ACTN3: variants seen among roughly 807,000 people sequenced by gnomAD.
ACTN3 encodes actinin alpha 3.
Under a neutral mutation model 119.6 loss-of-function variants are expected in ACTN3, and 91 were observed. The ratio of observed to expected loss-of-function variants is 0.76; its 90% confidence interval spans 0.64 to 0.91. The LOEUF is 0.91. Ranked by LOEUF, ACTN3 falls within the 40% of genes least tolerant of loss-of-function variation. The pLI, the probability that ACTN3 is intolerant of heterozygous loss-of-function variation, is 0.00. For missense variants in ACTN3, 1,221 were observed against 1,215.1 expected (o/e 1.00, Z -0.07); for synonymous variants, 456 against 478.8 (o/e 0.95, Z 0.62).
At chr11:66,561,924 G>A in intron 17 of ACTN3, 98 bp from the exon 18 acceptor site, 1 of 1,435,700 alleles carries the variant, frequency 7.0e-7, no homozygotes, top group East Asian at 2.5e-5. Flanking sequence ...GTGAGGGGGA[G>A]GACTTGCCCA....
rs1857716069 is a variant in ACTN3, at chr11:66,560,168, T to C, written c.1537-3T>C. On this transcript the variant is annotated splice_region_variant and splice_polypyrimidine_tract_variant and intron_variant, in intron 13 of 20. Transcript: ENST00000513398. ...TCTGACCCACTACGCCTCCCACCTCTAGCGGATGGAGAAGCTCCTGGAGAC... is the reference window on the plus strand; with the variant it reads ...TCTGACCCACTACGCCTCCCACCTCCAGCGGATGGAGAAGCTCCTGGAGAC... 6.2e-7 allele frequency: 1 copy of C among 1,600,058 alleles called. No individual in the cohort carries two copies. Among genetic ancestry groups the C allele is most frequent in the South Asian group, 1.1e-5 (1 of 88,596 alleles).
At position 66,558,090 on chromosome 11, in the gene ACTN3, T is replaced by TCGGAGATC. The variant is rs780512389; in HGVS notation, c.1196_1203dup (p.Leu403SerfsTer32). ...AAAGGGCTATGAGGACTGGCTGCTC[T>TCGGAGATC]CGGAGATCCGGCGCCTGCAGCGACT... On this transcript the variant is annotated frameshift_variant, in exon 11 of 21. Transcript: ENST00000513398. LOFTEE classifies it high-confidence loss of function. The TCGGAGATC allele has an allele frequency of 5.0e-6, 8 of 1,613,622 alleles. No individual in the cohort carries two copies. In the African/African-American group the frequency reaches 9.3e-5, roughly 19 times the overall value.
rs749856324 is a variant in ACTN3, at chr11:66,559,212, C to A, written c.1277-24C>A. On this transcript the variant is annotated intron_variant, in intron 11 of 20. Coordinates refer to ENST00000513398, the MANE Select transcript of ACTN3 (RefSeq NM_001104.4). ...CCTGCCCCTGCCGCCACTGGGTGAC[C>A]GGAGCCGGCATCTCTTTGAGCAGGA... 6.1e-6 allele frequency: 9 copies of A among 1,467,132 alleles called. No homozygotes were observed. The South Asian group carries it at 7.0e-5, about 11-fold the overall frequency. The allele number at this position is 1,467,132 out of a possible 1,614,324, so 90.9% of individuals were successfully genotyped here.
rs1278778552 is a variant in ACTN3, at chr11:66,558,019, C to T, written c.1129-8C>T. On this transcript the variant is annotated splice_region_variant and splice_polypyrimidine_tract_variant and intron_variant, in intron 10 of 20. Transcript: ENST00000513398. Reference sequence around the variant, plus strand: ...CCGTGATGGAGCGCACCCCTGCCTGCTCCACAGGACATCGCCAACGCCTGG... The same window carrying T: ...CCGTGATGGAGCGCACCCCTGCCTGTTCCACAGGACATCGCCAACGCCTGG... 8.1e-6 allele frequency: 13 copies of T among 1,613,690 alleles called. No homozygotes were observed. Among genetic ancestry groups the T allele is most frequent in the Non-Finnish European group, 1.1e-5 (13 of 1,179,852 alleles).
rs773818534 is a variant in ACTN3 at position 66,561,620 on chromosome 11, A to G, written c.2158A>G (p.Thr720Ala). 17 of 1,612,360 alleles carry G rather than the reference A, an allele frequency of 1.1e-5. No individual in the cohort carries two copies. In the East Asian group the frequency reaches 3.8e-4, roughly 36 times the overall value. ...QESLVFDNKH[T>A]VYSMEHIRVG... ...GAGCCTGGTGTTCGACAATAAGCAC[A>G]CCGTCTACAGCATGGAGGTGGGATC... Residue 720 changes from threonine (T) to alanine (A), a missense_variant, in exon 17 of 21, where the codon ACC (threonine) becomes GCC (alanine). Physicochemically the swap from Thr to Ala is moderately conservative, Grantham distance 58 (BLOSUM62 0). Transcript: ENST00000513398.
Position 66,556,139 on chromosome 11 carries a change from C to T in ACTN3, c.719-6C>T, listed in dbSNP as rs1186474338. ...GGCCAGTAGACACCGTGCTGTCCTC[C>T]CCTAGACATTGTGAACACCCCAAAG... is the stretch of plus-strand genomic sequence containing the variant. On this transcript the variant is annotated splice_region_variant and splice_polypyrimidine_tract_variant and intron_variant, in intron 7 of 20. Transcript: ENST00000513398. 2 of 1,612,842 alleles carry T rather than the reference C, an allele frequency of 1.2e-6. No individual in the cohort carries two copies. Among genetic ancestry groups the T allele is most frequent in the Admixed American group, 3.3e-5 (2 of 59,928 alleles).
chr11:66,559,959 C>A lies in ACTN3; in HGVS notation c.1428-9C>A. The A allele has an allele frequency of 6.3e-7, 1 of 1,584,488 alleles. No individual in the cohort carries two copies. Among genetic ancestry groups the A allele is most frequent in the Non-Finnish European group, 8.6e-7 (1 of 1,167,582 alleles). ...CTGGCCCCACACTCGCCCTACTTCT[C>A]GCTCCCAGTGAGCTGGACTACCACG... On this transcript the variant is annotated splice_polypyrimidine_tract_variant and intron_variant, in intron 12 of 20. Transcript: ENST00000513398.
chr11:66,551,698 A>G, intron 3 of ACTN3, 51 bp downstream of exon 3: 9 of 1,606,256 alleles, frequency 5.6e-6, no homozygotes, highest in Non-Finnish European at 7.6e-6. Context: ...GCCTCTCTTG[A>G]CATCAGCAAA....
At chr11:66,554,182 A>T in intron 4 of ACTN3, 51 bp downstream of exon 4, 3 of 1,547,136 alleles carry the variant, frequency 1.9e-6, no homozygotes, top group Non-Finnish European at 2.7e-6. Flanking sequence ...TGGGGCCTGT[A>T]ATCCCCACAG....
chr11:66,557,613 A>G, intron 9 of ACTN3, 86 bp from the exon 10 acceptor site: 1 of 1,422,464 alleles, frequency 7.0e-7, no homozygotes, highest in Non-Finnish European at 9.6e-7. Context: ...CACTCTGGCC[A>G]CAGCCTGGGT....
chr11:66,549,753 AAAG>A (rs1264080502), intron 1 of ACTN3, among the ~76,000 whole-genome samples: 2 of 150,854 alleles, frequency 1.3e-5, no homozygotes, highest in Non-Finnish European at 3.0e-5. Context: ...AAAAAAAAAA[AAAG>A]AGTCATGTTT....
At chr11:66,558,962 T>C in intron 11 of ACTN3, 1 of 351,150 alleles carries the variant, frequency 2.8e-6, no homozygotes, top group Non-Finnish European at 5.1e-6. Context: ...TACAGAATCG[T>C]TGAGAGCTAT....
At chr11:66,554,353 G>A (rs1590806099) in intron 4 of ACTN3, among the ~76,000 whole-genome samples, 183 bp from the exon 5 acceptor site, 1 of 150,958 alleles carries the variant, frequency 6.6e-6, no homozygotes, top group South Asian at 2.1e-4. Context: ...AGATACTAGG[G>A]AGGCTGAGGT....
rs1325354145 is a variant in ACTN3 at position 66,563,265 on chromosome 11, G to A, written c.*72G>A. 5.3e-6 allele frequency: 8 copies of A among 1,497,822 alleles called. No homozygotes were observed. In the Admixed American group the frequency reaches 6.6e-5, roughly 12 times the overall value. 92.8% of individuals were successfully genotyped at this position (1,497,822 alleles called of 1,614,324 possible). The stretch of plus-strand genomic sequence containing the variant: ...CTGTGGCTGATCCCATCCGTCCCTC[G>A]GAGCAAGGGCCTAAGAGAAAAGCCA... On this transcript the variant is annotated 3_prime_UTR_variant, in exon 21 of 21. Transcript: ENST00000513398.
rs762144870 is a variant in ACTN3, at chr11:66,563,085, C to T, written c.2598C>T (p.Ala866=). Residue 866 remains alanine, a synonymous_variant, in exon 21 of 21, where the codon GCC becomes GCT. Coordinates refer to ENST00000513398, the MANE Select transcript of ACTN3 (RefSeq NM_001104.4). ...GGCGCGAGCTCCCTGCCAAGCAGGC[C>T]GAGTACTGCATCCGCCGTATGGTGC... ...ELRRELPAKQ[A]EYCIRRMVPY... is the part of the protein sequence containing the mutation. 22 of 1,613,070 alleles carry T rather than the reference C, an allele frequency of 1.4e-5. No individual in the cohort carries two copies. The African/African-American group carries it at 2.4e-4, about 18-fold the overall frequency.
chr11:66,562,143 G>A lies in ACTN3; in HGVS notation c.2297G>A (p.Arg766Gln), dbSNP rs971298502. 19 of 1,613,906 alleles carry A rather than the reference G, an allele frequency of 1.2e-5. No homozygotes were observed. Among genetic ancestry groups the A allele is most frequent in the East Asian group, 4.5e-5 (2 of 44,882 alleles). ...GLSQEQLNEF[R>Q]ASFNHFDRKQ... The stretch of plus-strand genomic sequence containing the variant: ...AGCCAGGAGCAGCTCAACGAGTTCC[G>A]AGCATCCTTCAACCACTTTGACAGG... The change falls in exon 18 of 21, where the codon CGA (arginine) becomes CAA (glutamine). Residue 766 changes from arginine to glutamine, a missense_variant. By Grantham distance (43) the Arg-to-Gln change is conservative (BLOSUM62 1). Coordinates refer to ENST00000513398, the MANE Select transcript of ACTN3 (RefSeq NM_001104.4).
upstream of ACTN3, chr11:66,546,665 T>C: frequency 6.5e-7 from 1 of 1,533,368 alleles, no homozygotes; most frequent in Non-Finnish European, 8.7e-7. Flanking sequence ...CCCGTGGATT[T>C]CTCAAGGTCA....
At chr11:66,549,972 C>T (rs778362208) in intron 1 of ACTN3, among the ~76,000 whole-genome samples, 7 of 152,146 alleles carry the variant, frequency 4.6e-5, no homozygotes, top group Non-Finnish European at 8.8e-5. Flanking sequence ...AAGTATTTAA[C>T]GCATCATCTT....
intron 15 of ACTN3, 35 bp downstream of exon 15, chr11:66,560,790 C>T (rs771060794): frequency 6.3e-7 from 1 of 1,578,308 alleles, no homozygotes. Flanking sequence ...CCCACCCCCT[C>T]CTGCATACTG....
Sources: allele counts gnomAD v4.1 joint callset (sites outside exome capture counted in the v4.1 genomes callset), GRCh38; gene constraint gnomAD v4.1.1; transcripts MANE v1.5; gene names NCBI Gene and HGNC (gene_info 2026-07-23, HGNC 2026-07-21).